Variants in RBFOX1 observed in about 807,000 individuals in gnomAD.
RBFOX1 encodes the protein RNA binding fox-1 homolog 1.
RBFOX1 carries 8 observed loss-of-function variants against 57.7 expected under a neutral mutation model. The ratio of observed to expected loss-of-function variants is 0.14; its 90% CI spans 0.08 to 0.25. RBFOX1 has a LOEUF of 0.25. RBFOX1 is among the 10% of genes least tolerant of loss of function. The pLI is 1.00. For missense variants in RBFOX1, 611 were observed against 548.5 expected, an observed-to-expected ratio of 1.11 and a Z score of -1.14; for synonymous variants, 326 against 222.4, an observed-to-expected ratio of 1.47 and a Z score of -4.15.
chr16:7,003,022 T>TTTC (rs71408494), intron 3 of RBFOX1, among the ~76,000 whole-genome samples: 13,380 of 151,042 alleles, frequency 0.089, 602 homozygotes, highest in African/African-American at 0.13. Context: ...GGTCTTTTTT[T>TTTC]TTCTTCTTCT....
chr16:7,405,910 A>G (rs1342817573), intron 4 of RBFOX1, among the ~76,000 whole-genome samples: 8 of 152,286 alleles, frequency 5.3e-5, no homozygotes, highest in Non-Finnish European at 1.2e-4. Flanking sequence ...GCATTTGGCC[A>G]TGTCCAGAGA....
chr16:7,421,233 CAAAG>C (rs770012643), intron 4 of RBFOX1, among the ~76,000 whole-genome samples: 19 of 142,900 alleles, frequency 1.3e-4, no homozygotes, highest in Non-Finnish European at 2.8e-4. Flanking sequence ...GGCAGAAAGA[CAAAG>C]AGAGAGAGAA....
rs34694277 is a variant in RBFOX1 at position 5,268,291 on chromosome 16, G to A, written c.219+28186G>A. ...TTGTGTTAATTCTGCAAAATTTGCCGTATAACTGTGCCTGGATTCTTAGCA... is the reference window on the plus strand; with the variant it reads ...TTGTGTTAATTCTGCAAAATTTGCCATATAACTGTGCCTGGATTCTTAGCA... On this transcript the variant is annotated intron_variant, in intron 1 of 2. Coordinates refer to the RBFOX1 transcript ENST00000585867. Among the ~76,000 whole-genome samples, 1,126 of 152,252 alleles carry A rather than the reference G, an allele frequency of 7.4e-3. 8 individuals carry two copies. Among genetic ancestry groups the A allele is most frequent in the Non-Finnish European group, 0.011 (779 of 68,020 alleles).
chr16:7,581,177 C>A (rs2093730382), intron 6 of RBFOX1, among the ~76,000 whole-genome samples: 1 of 152,322 alleles, frequency 6.6e-6, no homozygotes, highest in South Asian at 2.1e-4. Flanking sequence ...TGAATGCTGA[C>A]ATTTCAGAGG....
At chr16:7,662,765 G>C (rs1190629062) in intron 12 of RBFOX1, among the ~76,000 whole-genome samples, 1 of 152,220 alleles carries the variant, frequency 6.6e-6, no homozygotes, top group African/African-American at 2.4e-5. Flanking sequence ...ACAGTGTTAA[G>C]CATGATGCCA....
intron 3 of RBFOX1, among the ~76,000 whole-genome samples, chr16:7,025,321 C>G (rs771162782): frequency 6.6e-6 from 1 of 152,070 alleles, no homozygotes; most frequent in Admixed American, 6.5e-5. Flanking sequence ...GACCAGAGGT[C>G]CCTCTCAGGG....
At chr16:6,592,845 T>C (rs1334333131) in intron 2 of RBFOX1, among the ~76,000 whole-genome samples, 1 of 152,190 alleles carries the variant, frequency 6.6e-6, no homozygotes, top group African/African-American at 2.4e-5. Flanking sequence ...GGCAAGTTGC[T>C]GATTAGCTGT....
At chr16:5,791,490 C>T (rs1044069291) in intron 3 of RBFOX1, among the ~76,000 whole-genome samples, 8 of 152,130 alleles carry the variant, frequency 5.3e-5, no homozygotes, top group Non-Finnish European at 1.2e-4. Context: ...GGGTAATGGT[C>T]TATCGTGTTC....
At chr16:6,475,222 A>G (rs2095254336) in intron 2 of RBFOX1, among the ~76,000 whole-genome samples, 1 of 152,218 alleles carries the variant, frequency 6.6e-6, no homozygotes, top group Non-Finnish European at 1.5e-5. Flanking sequence ...TAGGTTTTAT[A>G]ATTATAAAAC....
chr16:6,725,314 G>A (rs1427571998), intron 3 of RBFOX1, among the ~76,000 whole-genome samples: 1 of 151,950 alleles, frequency 6.6e-6, no homozygotes, highest in East Asian at 1.9e-4. Flanking sequence ...GCCTCCCAAA[G>A]TGCTGGGATT....
intron 3 of RBFOX1, among the ~76,000 whole-genome samples, chr16:7,024,717 G>T (rs1361483304): frequency 6.6e-6 from 1 of 152,150 alleles, no homozygotes; most frequent in Non-Finnish European, 1.5e-5. Flanking sequence ...TCAGCACTCT[G>T]TCCTGCTCTT....
chr16:6,001,184 T>C (rs1228419579), intron 4 of RBFOX1, among the ~76,000 whole-genome samples: 7 of 152,222 alleles, frequency 4.6e-5, no homozygotes, highest in Admixed American at 4.6e-4. Flanking sequence ...AACTGGAGAA[T>C]CATCTTTGCA....
In RBFOX1 at chr16:7,481,380, G is replaced by A. The variant is rs1014961416; in HGVS notation, c.28-36767G>A. Among the ~76,000 whole-genome samples, 8 of 152,162 alleles carry A rather than the reference G, an allele frequency of 5.3e-5. No homozygotes were observed. In the East Asian group the frequency reaches 1.5e-3, roughly 29 times the overall value. ...TATGCACATATGTCAGGTGATATTA[G>A]ATATAAATTGCTGCTAAATTATTCA... On this transcript the variant is annotated intron_variant, in intron 4 of 15. Coordinates refer to ENST00000550418, the MANE Select transcript of RBFOX1 (RefSeq NM_018723.4).
chr16:6,806,971 T>G (rs1268886458), intron 3 of RBFOX1, among the ~76,000 whole-genome samples: 1 of 150,840 alleles, frequency 6.6e-6, no homozygotes, highest in Non-Finnish European at 1.5e-5. Flanking sequence ...GTAGCTGAGA[T>G]TGCAGGCACG....
At chr16:7,058,982 G>C (rs986987672) in intron 4 of RBFOX1, among the ~76,000 whole-genome samples, 7 of 152,164 alleles carry the variant, frequency 4.6e-5, no homozygotes, top group African/African-American at 9.7e-5. Flanking sequence ...TTGTGAAAGA[G>C]GTTGTAGAGC....
At chr16:5,437,295 A>G (rs993788300) in intron 1 of RBFOX1, among the ~76,000 whole-genome samples, 1 of 152,226 alleles carries the variant, frequency 6.6e-6, no homozygotes, top group Non-Finnish European at 1.5e-5. Context: ...CACTCTGCAC[A>G]AAAGCAAACC....
chr16:6,648,483 C>A (rs956636277), intron 2 of RBFOX1, among the ~76,000 whole-genome samples: 8 of 152,144 alleles, frequency 5.3e-5, no homozygotes, highest in African/African-American at 1.9e-4. Flanking sequence ...AATAGTAACA[C>A]CCTGCTTTAA....
chr16:7,241,371 T>C (rs1342874813), intron 4 of RBFOX1, among the ~76,000 whole-genome samples: 1 of 152,180 alleles, frequency 6.6e-6, no homozygotes, highest in East Asian at 1.9e-4. Context: ...AAAGAGCATG[T>C]GATTCCCTGT....
chr16:6,863,269 C>T (rs990159102), intron 3 of RBFOX1, among the ~76,000 whole-genome samples: 2 of 152,112 alleles, frequency 1.3e-5, no homozygotes, highest in African/African-American at 2.4e-5. Context: ...GACGAAGTAT[C>T]TTCTGGATGC....
Sources: gnomAD v4.1 joint callset for allele counts (sites outside exome capture counted in the v4.1 genomes callset) on GRCh38, gnomAD v4.1.1 for gene constraint, MANE v1.5 for transcripts, NCBI Gene and HGNC (gene_info 2026-07-23, HGNC 2026-07-21) for gene names.